Variants in PKHD1L1 observed in about 807,000 individuals in gnomAD.
The protein encoded by PKHD1L1 is fibrocystin-L.
A neutral mutation model predicts 462.9 loss-of-function variants in PKHD1L1; 434 were observed. That is an observed-to-expected ratio of 0.94 (90% CI 0.87 to 1.02). The LOEUF (loss-of-function observed/expected upper bound fraction) is 1.02. Ranked by LOEUF, PKHD1L1 falls within the 50% of genes least tolerant of loss-of-function variation. The pLI, the probability that PKHD1L1 is intolerant of heterozygous loss-of-function variation, is 0.00. For synonymous variants in PKHD1L1, 1,781 were observed against 1,750.0 expected (o/e 1.02, Z -0.44); for missense variants, 5,202 against 5,096.1 (o/e 1.02, Z -0.63).
At chr8:109,476,396 C>A in intron 51 of PKHD1L1, 112 bp from the exon 52 acceptor site, 6 of 744,314 alleles carry the variant, frequency 8.1e-6, no homozygotes, top group South Asian at 2.7e-5. Context: ...AAACTAAAGC[C>A]AAAACTTTTA....
At chr8:109,396,188 G>A (rs1324056429) in intron 11 of PKHD1L1, 51 bp downstream of exon 11, 3 of 1,259,108 alleles carry the variant, frequency 2.4e-6, no homozygotes, top group East Asian at 2.5e-5. Flanking sequence ...AATTCTGCCT[G>A]CTCTTTAATA....
chr8:109,371,820 G>A (rs976222313), intron 2 of PKHD1L1, among the ~76,000 whole-genome samples: 4 of 152,078 alleles, frequency 2.6e-5, no homozygotes, highest in African/African-American at 9.7e-5. Flanking sequence ...TTGTAGATAT[G>A]CGGCATTATT....
intron 9 of PKHD1L1, among the ~76,000 whole-genome samples, chr8:109,393,522 A>T (rs1279668563): frequency 6.6e-6 from 1 of 152,168 alleles, no homozygotes; most frequent in African/African-American, 2.4e-5. Context: ...AACCCAGTCA[A>T]TTGTTGCTAA....
intron 20 of PKHD1L1, 70 bp downstream of exon 20, chr8:109,412,484 TAAGAC>T: frequency 2.8e-6 from 4 of 1,428,394 alleles, no homozygotes; most frequent in Admixed American, 2.5e-5. Flanking sequence ...CATGAAATTT[TAAGAC>T]AAGAAAAAAT....
intron 62 of PKHD1L1, among the ~76,000 whole-genome samples, chr8:109,492,203 T>G (rs1818869077): frequency 6.6e-6 from 1 of 151,700 alleles, no homozygotes; most frequent in Non-Finnish European, 1.5e-5. Context: ...TATTTCAAGT[T>G]CCAGTACAGG....
intron 50 of PKHD1L1, among the ~76,000 whole-genome samples, chr8:109,471,412 T>A (rs191775748): frequency 7.2e-5 from 11 of 152,340 alleles, no homozygotes; most frequent in African/African-American, 2.4e-4. Context: ...AACAATGATC[T>A]GTTTTACAGG....
intron 50 of PKHD1L1, among the ~76,000 whole-genome samples, chr8:109,467,898 G>A (rs1817533725): frequency 6.6e-6 from 1 of 151,992 alleles, no homozygotes. Flanking sequence ...ACATAATAAG[G>A]AATCGTAAGT....
Position 109,389,762 on chromosome 8 carries a change from G to T in PKHD1L1, c.697+610G>T, listed in dbSNP as rs190497171. On this transcript the variant is annotated intron_variant, in intron 8 of 77. Coordinates refer to ENST00000378402, the MANE Select transcript of PKHD1L1 (RefSeq NM_177531.6). ...AGGCTGGTCTCAAACTCCTGACTTC[G>T]GGTGATCCGCCCGCCTCAGCCTCCC... Among the ~76,000 whole-genome samples, 984 of 151,970 alleles carry T rather than the reference G, an allele frequency of 6.5e-3. 7 individuals carry two copies. Among genetic ancestry groups the T allele is most frequent in the Middle Eastern group, 0.051 (15 of 292 alleles).
intron 28 of PKHD1L1, among the ~76,000 whole-genome samples, chr8:109,433,644 T>C (rs944477730): frequency 6.6e-6 from 1 of 152,184 alleles, no homozygotes; most frequent in African/African-American, 2.4e-5. Flanking sequence ...CCTCTCTCCA[T>C]TAATGTAGAA....
At chr8:109,459,178 C>T (rs1051121508) in intron 46 of PKHD1L1, among the ~76,000 whole-genome samples, 5 of 151,912 alleles carry the variant, frequency 3.3e-5, no homozygotes, top group Admixed American at 6.6e-5. Flanking sequence ...TTAGAAACAC[C>T]CCTGGTCTCT....
At chr8:109,425,734 A>G (rs1814710855) in intron 24 of PKHD1L1, among the ~76,000 whole-genome samples, 1 of 152,142 alleles carries the variant, frequency 6.6e-6, no homozygotes, top group Non-Finnish European at 1.5e-5. Context: ...GAGAATTGGA[A>G]TATGATTTTA....
At chr8:109,486,220 G>A (rs902973561) in intron 58 of PKHD1L1, among the ~76,000 whole-genome samples, 6 of 151,898 alleles carry the variant, frequency 4.0e-5, no homozygotes, top group Non-Finnish European at 8.8e-5. Context: ...TGGCAGGAGT[G>A]TTAATAGCTA....
Position 109,440,790 on chromosome 8 carries a change from C to A in PKHD1L1, c.4037C>A (p.Thr1346Asn), listed in dbSNP as rs200472031. 9 of 1,613,150 alleles carry A rather than the reference C, an allele frequency of 5.6e-6. No individual in the cohort carries two copies. The Admixed American group carries it at 1.0e-4, about 18-fold the overall frequency. Residue 1346 changes from threonine to asparagine, a missense_variant, in exon 33 of 78, where the codon ACT becomes AAT. By Grantham distance (65) the Thr-to-Asn change is moderately conservative. Transcript: ENST00000378402. ...FPQRGSLFGG[T>N]EITIRGFGFS... ...CAAAGAGGCTCCTTGTTTGGTGGAA[C>A]TGAAATCACCATAAGGGGTTTTGGA... is the stretch of plus-strand genomic sequence containing the variant.
chr8:109,443,928 A>T, intron 37 of PKHD1L1, 26 bp downstream of exon 37: 9 of 1,525,928 alleles, frequency 5.9e-6, no homozygotes, highest in Non-Finnish European at 8.1e-6. Context: ...CCTCCTTTGT[A>T]CTTCTATTAT....
At position 109,452,813 on chromosome 8, in the gene PKHD1L1, A is replaced by T; in HGVS notation, c.6603A>T (p.Thr2201=). Residue 2201 remains threonine (T), a synonymous_variant, in exon 43 of 78, where the codon ACA becomes ACT. Transcript: ENST00000378402. The stretch of plus-strand genomic sequence containing the variant: ...AAGAAGGATCTCTTGTTGTTATTAC[A>T]AAAGGACAGACCATTCTGCTGGATC... The part of the protein sequence containing the change: ...PPEEGSLVVI[T]KGQTILLDQS... 1 of 1,537,972 alleles carries T rather than the reference A, an allele frequency of 6.5e-7. No individual in the cohort carries two copies. The highest frequency in any genetic ancestry group is 8.7e-7 in the Non-Finnish European group (1 of 1,144,960).
intron 2 of PKHD1L1, among the ~76,000 whole-genome samples, chr8:109,369,237 A>G (rs4348463): frequency 0.3 from 45,158 of 152,054 alleles, 7,283 homozygotes; most frequent in Admixed American, 0.43. Flanking sequence ...TTGGCCTCCC[A>G]AAGTACTGGG....
At position 109,388,560 on chromosome 8, in the gene PKHD1L1, T is replaced by A; in HGVS notation, c.623+10T>A. 1.3e-6 allele frequency: 2 copies of A among 1,488,724 alleles called. No individual in the cohort carries two copies. Among genetic ancestry groups the A allele is most frequent in the Non-Finnish European group, 1.8e-6 (2 of 1,092,566 alleles). The allele number at this position is 1,488,724 out of a possible 1,614,324, so 92.2% of individuals were successfully genotyped here. A position where few individuals can be genotyped will look rare whatever the true frequency, so the allele number is the denominator to read the frequency against. On this transcript the variant is annotated intron_variant, in intron 7 of 77. Coordinates refer to ENST00000378402, the MANE Select transcript of PKHD1L1 (RefSeq NM_177531.6). ...CACAATCTGATAATTTGTAAGTAAT[T>A]CAAATTATTTTCTTTACAAAAACAA...
intron 56 of PKHD1L1, among the ~76,000 whole-genome samples, chr8:109,482,543 A>G (rs1818323929): frequency 6.6e-6 from 1 of 151,892 alleles, no homozygotes; most frequent in South Asian, 2.1e-4. Flanking sequence ...TTCATAAAAC[A>G]TGGTCACATT....
At chr8:109,389,185 A>G in intron 8 of PKHD1L1, 33 bp downstream of exon 8, 3 of 1,512,868 alleles carry the variant, frequency 2.0e-6, no homozygotes, top group Non-Finnish European at 2.7e-6. Flanking sequence ...CATAATGCTC[A>G]CAGATGCCTT....
Sources: gnomAD v4.1 joint callset for allele counts (sites outside exome capture counted in the v4.1 genomes callset) on GRCh38, gnomAD v4.1.1 for gene constraint, MANE v1.5 for transcripts, NCBI Gene and HGNC (gene_info 2026-07-23, HGNC 2026-07-21) for gene names.